Variants in TNC observed in about 807,000 individuals in gnomAD.
TNC encodes the protein tenascin.
TNC carries 109 observed loss-of-function variants against 202.4 expected under a neutral mutation model. The observed-to-expected ratio is 0.54, with a 90% CI of 0.46 to 0.63. TNC has a LOEUF of 0.63. Among genes scored for constraint, TNC ranks in the 30% least tolerant of loss-of-function variants. The pLI is 0.00. For synonymous variants in TNC, 1,007 were observed against 1,089.7 expected, an observed-to-expected ratio of 0.92 and a Z score of 1.50; for missense variants, 2,756 against 2,833.3, an observed-to-expected ratio of 0.97 and a Z score of 0.62.
chr9:115,026,689 T>G lies in TNC; in HGVS notation c.6176A>C (p.Asp2059Ala). The part of the protein sequence containing the change: ...DRREEFWLGL[D>A]NLNKITAQGQ... ...CTGGGCTGTGATTTTGTTCAGGTTG[T>G]CCAGCCCTGTGGATGACAGGCAAGG... Residue 2059 changes from aspartate (D) to alanine (A), a missense_variant, in exon 26 of 28, where the codon GAC becomes GCC. Physicochemically the swap from Asp to Ala is moderately radical, Grantham distance 126. Coordinates refer to ENST00000350763, the MANE Select transcript of TNC (RefSeq NM_002160.4). 6.2e-7 allele frequency: 1 copy of G among 1,613,740 alleles called. No homozygotes were observed. Among genetic ancestry groups the G allele is most frequent in the Non-Finnish European group, 8.5e-7 (1 of 1,179,904 alleles).
At position 115,091,045 on chromosome 9, in the gene TNC, GC is replaced by G. The variant is rs753592479; in HGVS notation, c.-28del. 68 of 1,591,580 alleles carry G rather than the reference GC, an allele frequency of 4.3e-5. No individual in the cohort carries two copies. Among genetic ancestry groups the G allele is most frequent in the Non-Finnish European group, 5.6e-5 (65 of 1,169,320 alleles). On this transcript the variant is annotated 5_prime_UTR_variant, in exon 2 of 28. Transcript: ENST00000350763. Reference sequence around the variant, plus strand: ...GTGGAGGTGGGTTTGGCTGGGTGCTGCTGGGGCTCTAGGGCTCTAGGGTATC... The same window carrying G: ...GTGGAGGTGGGTTTGGCTGGGTGCTGTGGGGCTCTAGGGCTCTAGGGTATC...
chr9:115,048,555 A>C (rs1250180474), intron 15 of TNC, 23 bp from the exon 16 acceptor site: 1 of 1,600,978 alleles, frequency 6.2e-7, no homozygotes, highest in Non-Finnish European at 8.5e-7. Context: ...AGGAGTGAAA[A>C]TAACTCAGGT....
intron 1 of TNC, among the ~76,000 whole-genome samples, chr9:115,096,296 A>G (rs1279505849): frequency 6.6e-6 from 1 of 152,180 alleles, no homozygotes; most frequent in Non-Finnish European, 1.5e-5. Context: ...TCTGTCCCAT[A>G]TTCCGCATGT....
rs149491853 is a variant in TNC, at chr9:115,086,090, G to A, written c.1641C>T (p.Cys547=). 2.4e-5 allele frequency: 38 copies of A among 1,613,216 alleles called. No individual in the cohort carries two copies. The highest frequency in any genetic ancestry group is 2.0e-4 in the African/African-American group (15 of 74,994). ...TGCCCATAAATCCTTCATGGCACAC[G>A]CACTGCCCATTCACACAGCGACCCT... ...HGQGRCVNGQ[C]VCHEGFMGKD... The change falls in exon 3 of 28, where the codon TGC becomes TGT. Residue 547 remains cysteine, a synonymous_variant. Transcript: ENST00000350763.
intron 15 of TNC, among the ~76,000 whole-genome samples, chr9:115,049,072 G>GTT (rs34528869): frequency 6.9e-4 from 105 of 151,856 alleles, no homozygotes; most frequent in African/African-American, 2.1e-3. Context: ...GAGGAGGTAA[G>GTT]TTTTTTTTGT....
Position 115,042,263 on chromosome 9 carries a change from G to A in TNC, c.5204C>T (p.Ala1735Val). Residue 1735 changes from alanine to valine, a missense_variant, in exon 18 of 28, where the codon GCC becomes GTC. By Grantham distance (64) the Ala-to-Val change is moderately conservative (BLOSUM62 0). Transcript: ENST00000350763. ...GGTAATCCGGAAGCTCTCCACTTGG[G>A]CTGTGGGTGCCCTCCAGCTGACAGT... ...SATVSWRAPT[A>V]QVESFRITYV... The A allele has an allele frequency of 6.2e-7, 1 of 1,614,090 alleles. No homozygotes were observed. The highest frequency in any genetic ancestry group is 8.5e-7 in the Non-Finnish European group (1 of 1,179,990).
At position 115,059,991 on chromosome 9, in the gene TNC, G is replaced by T; in HGVS notation, c.4045C>A (p.Gln1349Lys). 1 of 1,612,818 alleles carries T rather than the reference G, an allele frequency of 6.2e-7. No homozygotes were observed. Among genetic ancestry groups the T allele is most frequent in the Admixed American group, 1.7e-5 (1 of 59,926 alleles). Residue 1349 changes from glutamine to lysine, a missense_variant, in exon 14 of 28, where the codon CAG becomes AAG. This residue lies in a region of TNC where 2,559 missense variants were observed against 2,546.0 expected (regional missense o/e 1.01). Coordinates refer to ENST00000350763, the MANE Select transcript of TNC (RefSeq NM_002160.4). ...TCAGACACGGCTAAATCTCCCAGCT[G>T]TGGGAGATCCTCTGAAGAAGGACAG... ...AVEVVTEDLPQLGDLAVSEVG... is the reference protein window; with the variant it reads ...AVEVVTEDLPKLGDLAVSEVG...
chr9:115,049,645 C>CTT (rs1057273839), intron 15 of TNC, among the ~76,000 whole-genome samples: 2 of 141,886 alleles, frequency 1.4e-5, no homozygotes, highest in African/African-American at 5.2e-5. Context: ...TTTCTTTTTT[C>CTT]TTTTTTTTTT....
rs907181278 is a variant in TNC at position 115,082,026 on chromosome 9, C to T, written c.2248-98G>A. 14 of 1,224,902 alleles carry T rather than the reference C, an allele frequency of 1.1e-5. No homozygotes were observed. The African/African-American group carries it at 2.2e-4, about 19-fold the overall frequency. 75.9% of individuals were successfully genotyped at this position (1,224,902 alleles called of 1,614,324 possible). ...TGCATTCATTCATTCCTCTGTTATT[C>T]TTTCATCGATTCATTAGGCACTTAC... On this transcript the variant is annotated intron_variant, in intron 5 of 27. Coordinates refer to ENST00000350763, the MANE Select transcript of TNC (RefSeq NM_002160.4).
chr9:115,090,132 C>T (rs918318834), intron 2 of TNC, among the ~76,000 whole-genome samples: 1 of 152,164 alleles, frequency 6.6e-6, no homozygotes, highest in Non-Finnish European at 1.5e-5. Flanking sequence ...GAATCCCATC[C>T]TCTTTCCAGG....
At chr9:115,036,056 C>T in intron 21 of TNC, 42 bp downstream of exon 21, 2 of 1,608,326 alleles carry the variant, frequency 1.2e-6, no homozygotes, top group South Asian at 1.1e-5. Context: ...TGTGGGTGGG[C>T]ACCCCAGAAG....
At position 115,048,497 on chromosome 9, in the gene TNC, C is replaced by T. The variant is rs770213784; in HGVS notation, c.4615G>A (p.Asp1539Asn). 5.6e-6 allele frequency: 9 copies of T among 1,613,542 alleles called. No individual in the cohort carries two copies. The highest frequency in any genetic ancestry group is 3.3e-5 in the South Asian group (3 of 91,050). ...ACTGTGAACCCGTAGGGATTAATGTCGGAAATGGTTAGGTTTTCCAGAAGG... is the reference window on the plus strand; with the variant it reads ...ACTGTGAACCCGTAGGGATTAATGTTGGAAATGGTTAGGTTTTCCAGAAGG... Reference protein sequence around the residue: ...LPLLENLTISDINPYGFTVSW... With the variant: ...LPLLENLTISNINPYGFTVSW... The change falls in exon 16 of 28, where the codon GAC (aspartate) becomes AAC (asparagine). Residue 1539 changes from aspartate to asparagine, a missense_variant. Transcript: ENST00000350763.
chr9:115,054,807 C>A (rs556774097), intron 15 of TNC, among the ~76,000 whole-genome samples: 2 of 152,296 alleles, frequency 1.3e-5, no homozygotes, highest in East Asian at 1.9e-4. Context: ...TCACCACATG[C>A]ACCAAGATTT....
At chr9:115,104,811 G>A (rs1174059355) in intron 1 of TNC, among the ~76,000 whole-genome samples, 1 of 152,174 alleles carries the variant, frequency 6.6e-6, no homozygotes, top group East Asian at 1.9e-4. Context: ...ATTGGTTTGG[G>A]ATCAATTATG....
intron 2 of TNC, 42 bp downstream of exon 2, chr9:115,090,520 A>C (rs1564129567): frequency 2.7e-6 from 4 of 1,465,412 alleles, no homozygotes; most frequent in Non-Finnish European, 3.7e-6. Flanking sequence ...TCATTTCTCC[A>C]TGTTTGCACA....
In TNC at chr9:115,064,781, C is replaced by T. The variant is rs61738263; in HGVS notation, c.3353G>A (p.Arg1118Gln). Residue 1118 changes from arginine to glutamine, a missense_variant, in exon 11 of 28, where the codon CGG becomes CAG. By Grantham distance (43) the Arg-to-Gln change is conservative. Around this residue, in one of 2 missense-constraint regions of TNC, gnomAD observed 2,559 missense variants for 2,546.0 expected, o/e 1.01. Transcript: ENST00000350763. ...AAGGCTGCCAGGCACGGTGAGGTTC[C>T]GAGCTGCCTCCACCTTGTTGGCCTC... Reference protein sequence around the residue: ...VQEANKVEAARNLTVPGSLRA... With the variant: ...VQEANKVEAAQNLTVPGSLRA... 2.6e-3 allele frequency: 4,168 copies of T among 1,614,076 alleles called. 99 individuals carry two copies. The African/African-American group carries it at 0.05, about 19-fold the overall frequency.
In TNC at chr9:115,046,663, G is replaced by A. The variant is rs1376860031; in HGVS notation, c.4872C>T (p.Asp1624=). 2 of 1,613,188 alleles carry A rather than the reference G, an allele frequency of 1.2e-6. No homozygotes were observed. The highest frequency in any genetic ancestry group is 2.2e-5 in the South Asian group (2 of 91,038). Residue 1624 remains aspartate, a synonymous_variant, in exon 17 of 28, where the codon GAC becomes GAT. Transcript: ENST00000350763. ...GGGTGGCATCTGAAACCAGAAGGTTGTCAACTTCCGGTTCGGCTTCTAGAG... is the reference window on the plus strand; with the variant it reads ...GGGTGGCATCTGAAACCAGAAGGTTATCAACTTCCGGTTCGGCTTCTAGAG... ...EIVTEAEPEV[D]NLLVSDATPD... is the part of the protein sequence containing the mutation.
At chr9:115,081,711 A>G in intron 6 of TNC, 61 bp downstream of exon 6, 1 of 1,587,086 alleles carries the variant, frequency 6.3e-7, no homozygotes, top group East Asian at 2.2e-5. Flanking sequence ...TTTCTCAACC[A>G]GGAGGTGCTA....
rs1832422983 is a variant in TNC at position 115,059,975 on chromosome 9, G to A, written c.4061C>T (p.Ala1354Val). The change falls in exon 14 of 28, where the codon GCC (alanine) becomes GTC (valine). Residue 1354 changes from alanine (A) to valine (V), a missense_variant. Physicochemically the swap from Ala to Val is moderately conservative, Grantham distance 64. Around this residue, in one of 2 missense-constraint regions of TNC, gnomAD observed 2,559 missense variants for 2,546.0 expected, o/e 1.01. Transcript: ENST00000350763. Reference sequence around the variant, plus strand: ...GCCATCCCAGCCAACCTCAGACACGGCTAAATCTCCCAGCTGTGGGAGATC... The same window carrying A: ...GCCATCCCAGCCAACCTCAGACACGACTAAATCTCCCAGCTGTGGGAGATC... ...TEDLPQLGDLAVSEVGWDGLR... is the reference protein window; with the variant it reads ...TEDLPQLGDLVVSEVGWDGLR... 8 of 1,613,586 alleles carry A rather than the reference G, an allele frequency of 5.0e-6. No individual in the cohort carries two copies. The highest frequency in any genetic ancestry group is 3.3e-5 in the South Asian group (3 of 91,012).
Sources: gnomAD v4.1 joint callset for allele counts (sites outside exome capture counted in the v4.1 genomes callset) on GRCh38, gnomAD v4.1.1 for gene constraint, gnomAD v4.1.1 regional missense constraint, MANE v1.5 for transcripts, NCBI Gene and HGNC (gene_info 2026-07-23, HGNC 2026-07-21) for gene names.